Variants in IL1RAPL2 observed in about 807,000 individuals in gnomAD.
IL1RAPL2 encodes the protein interleukin 1 receptor accessory protein like 2.
Under a neutral mutation model 44.1 loss-of-function variants are expected in IL1RAPL2, and 3 were observed. The ratio of observed to expected loss-of-function variants is 0.07; its 90% CI spans 0.03 to 0.18. The LOEUF is 0.18. IL1RAPL2 is among the 10% of genes least tolerant of loss of function. IL1RAPL2 has a pLI of 1.00. For synonymous variants in IL1RAPL2, 181 were observed against 178.8 expected, an observed-to-expected ratio of 1.01 and a Z score of -0.10; for missense variants, 391 against 496.4, an observed-to-expected ratio of 0.79 and a Z score of 2.02.
chrX:104,902,882 T>A (rs1254550985), intron 2 of IL1RAPL2, among the ~76,000 whole-genome samples: 1 of 111,456 alleles, frequency 9.0e-6, no homozygotes, highest in African/African-American at 3.3e-5. Context: ...AATTATAAAT[T>A]GTGGTGTTCT....
chrX:105,400,366 T>C (rs2035598229), intron 5 of IL1RAPL2, among the ~76,000 whole-genome samples: 1 of 111,512 alleles, frequency 9.0e-6, no homozygotes, highest in South Asian at 3.8e-4. Flanking sequence ...TCATATTGTA[T>C]AGCACAAATT....
At chrX:105,171,387 G>A (rs1369008309) in intron 2 of IL1RAPL2, among the ~76,000 whole-genome samples, 1 of 110,901 alleles carries the variant, frequency 9.0e-6, no homozygotes, top group African/African-American at 3.3e-5. Context: ...GAATAGGACT[G>A]TGGAAATCAG....
chrX:105,225,694 AT>A (rs146344873), intron 3 of IL1RAPL2, among the ~76,000 whole-genome samples: 3 of 106,237 alleles, frequency 2.8e-5, no homozygotes, highest in African/African-American at 1.0e-4. Context: ...ATTTTATTTT[AT>A]TTTTTTTTCT....
chrX:105,592,534 T>C (rs1266626071), intron 6 of IL1RAPL2, among the ~76,000 whole-genome samples: 1 of 111,917 alleles, frequency 8.9e-6, no homozygotes. Flanking sequence ...CGATGGTTTA[T>C]GTACTTAAAA....
rs756633100 is a variant in IL1RAPL2 at position 105,146,904 on chromosome X, G to A, written c.83-48571G>A. On this transcript the variant is annotated intron_variant, in intron 2 of 10. Coordinates refer to ENST00000372582, the MANE Select transcript of IL1RAPL2 (RefSeq NM_017416.2). The stretch of plus-strand genomic sequence containing the variant: ...AAAAGGCAGGACATCTTGAAGAAGG[G>A]TATTATAGGTCATAGATTTTGGATT... Among the ~76,000 whole-genome samples the A allele has an allele frequency of 1.5e-4, 17 of 111,812 alleles. No homozygotes were observed. In the South Asian group the frequency reaches 6.3e-3, roughly 41 times the overall value.
chrX:105,239,182 T>C (rs2147639589), intron 4 of IL1RAPL2, among the ~76,000 whole-genome samples: 1 of 112,070 alleles, frequency 8.9e-6, no homozygotes, highest in African/African-American at 3.2e-5. Flanking sequence ...GCACCAGCAG[T>C]TGCACAGATA....
intron 2 of IL1RAPL2, among the ~76,000 whole-genome samples, chrX:104,697,148 G>C (rs1931195462): frequency 8.9e-6 from 1 of 112,613 alleles, no homozygotes; most frequent in Non-Finnish European, 1.9e-5. Flanking sequence ...TTTCAGCCCT[G>C]TTAAAAATTC....
rs1219175534 is a variant in IL1RAPL2 at position 104,566,696 on chromosome X, C to T, written c.-375C>T. 2.6e-5 allele frequency: 3 copies of T among 113,231 alleles called. No homozygotes were observed. The highest frequency in any genetic ancestry group is 5.6e-5 in the Non-Finnish European group (3 of 53,424). 9.3% of individuals were successfully genotyped at this position (113,231 alleles called of 1,213,427 possible). A position where few individuals can be genotyped will look rare whatever the true frequency, so the allele number is the denominator to read the frequency against. ...GAGTCTAGTCACTGAGAGACAGAGGCAGCATCTGCCATTCTAACTACGGAG... is the reference window on the plus strand; with the variant it reads ...GAGTCTAGTCACTGAGAGACAGAGGTAGCATCTGCCATTCTAACTACGGAG... On this transcript the variant is annotated 5_prime_UTR_variant, in exon 1 of 11. Coordinates refer to ENST00000372582, the MANE Select transcript of IL1RAPL2 (RefSeq NM_017416.2).
chrX:105,482,948 G>C (rs2036242226), intron 5 of IL1RAPL2, among the ~76,000 whole-genome samples: 1 of 108,939 alleles, frequency 9.2e-6, no homozygotes, highest in Admixed American at 9.9e-5. Flanking sequence ...TATAAGTAAG[G>C]GTTGTTTTAT....
chrX:105,131,348 G>A (rs961868523), intron 2 of IL1RAPL2, among the ~76,000 whole-genome samples: 4 of 109,910 alleles, frequency 3.6e-5, no homozygotes, highest in Non-Finnish European at 5.7e-5. Context: ...GAGCCATAAG[G>A]TCTTTGTCAC....
chrX:105,696,056 C>T (rs537757584), intron 6 of IL1RAPL2, among the ~76,000 whole-genome samples: 8 of 112,141 alleles, frequency 7.1e-5, no homozygotes, highest in African/African-American at 1.9e-4. Context: ...CCTGACTCTG[C>T]TCTGGAAAAT....
At position 104,650,313 on chromosome X, in the gene IL1RAPL2, A is replaced by T. The variant is rs184729698; in HGVS notation, c.-19-8582A>T. ...CTCCTGTACACTTTCTTCACACAGC[A>T]GTAAGTTGGTTGTAAAATCACCAAC... On this transcript the variant is annotated intron_variant, in intron 1 of 10. Coordinates refer to ENST00000372582, the MANE Select transcript of IL1RAPL2 (RefSeq NM_017416.2). 4.6e-4 allele frequency among the ~76,000 whole-genome samples: 52 copies of T among 112,187 alleles called. No homozygotes were observed. The East Asian group carries it at 0.014, about 30-fold the overall frequency.
At chrX:105,722,342 G>A (rs1402379363) in intron 7 of IL1RAPL2, among the ~76,000 whole-genome samples, 1 of 111,476 alleles carries the variant, frequency 9.0e-6, no homozygotes, top group Non-Finnish European at 1.9e-5. Context: ...TGTGATCCAT[G>A]ATCTATTTGG....
chrX:104,909,785 C>G (rs1046099955), intron 2 of IL1RAPL2, among the ~76,000 whole-genome samples: 2 of 112,663 alleles, frequency 1.8e-5, no homozygotes, highest in Non-Finnish European at 3.8e-5. Context: ...GCAGAGGTTA[C>G]TGCTGTCTTT....
At chrX:104,949,696 C>T (rs1394246693) in intron 2 of IL1RAPL2, among the ~76,000 whole-genome samples, 1 of 110,503 alleles carries the variant, frequency 9.0e-6, no homozygotes, top group Admixed American at 9.7e-5. Flanking sequence ...CATTCAGGAG[C>T]AGGTTGTTCA....
intron 6 of IL1RAPL2, among the ~76,000 whole-genome samples, chrX:105,579,500 C>T (rs368133308): frequency 3.6e-5 from 4 of 111,311 alleles, no homozygotes; most frequent in South Asian, 7.6e-4. Context: ...ATAAATAATA[C>T]TAAATTTATT....
intron 2 of IL1RAPL2, among the ~76,000 whole-genome samples, chrX:104,983,556 ATAT>A (rs1197697608): frequency 1.5e-3 from 133 of 90,050 alleles, no homozygotes; most frequent in African/African-American, 5.5e-3. Flanking sequence ...TATTATAGAC[ATAT>A]TATATATTAT....
intron 1 of IL1RAPL2, among the ~76,000 whole-genome samples, chrX:104,654,421 A>G (rs777331560): frequency 9.0e-6 from 1 of 110,645 alleles, no homozygotes; most frequent in East Asian, 2.9e-4. Flanking sequence ...TCTCAGGAGG[A>G]AGACAAAGTG....
At chrX:105,181,658 TGTG>T (rs2033531797) in intron 2 of IL1RAPL2, among the ~76,000 whole-genome samples, 1 of 111,888 alleles carries the variant, frequency 8.9e-6, no homozygotes, top group African/African-American at 3.2e-5. Flanking sequence ...TTTATTCTAT[TGTG>T]GTCTGAGAAG....
Sources: gnomAD v4.1 joint callset for allele counts (sites outside exome capture counted in the v4.1 genomes callset) on GRCh38, gnomAD v4.1.1 for gene constraint, MANE v1.5 for transcripts, NCBI Gene and HGNC (gene_info 2026-07-23, HGNC 2026-07-21) for gene names.